HNF4G: variants seen among roughly 807,000 people sequenced by gnomAD.
HNF4G encodes hepatocyte nuclear factor 4 gamma, also known as hepatocyte nuclear factor 4-gamma.
HNF4G carries 21 observed loss-of-function variants against 50.9 expected under a neutral mutation model. That is an observed-to-expected ratio of 0.41 (90% CI 0.29 to 0.59). The LOEUF is 0.59. Ranked by LOEUF, HNF4G falls within the 20% of genes least tolerant of loss-of-function variation. The pLI is 0.26. For synonymous variants in HNF4G, 198 were observed against 185.6 expected (o/e 1.07, Z -0.54); for missense variants, 527 against 559.4 (o/e 0.94, Z 0.58).
intron 2 of HNF4G, among the ~76,000 whole-genome samples, chr8:75,519,506 G>T (rs1805981402): frequency 6.6e-6 from 1 of 152,172 alleles, no homozygotes; most frequent in African/African-American, 2.4e-5. Context: ...ATTTATAAAA[G>T]AAAAGAGGTT....
intron 2 of HNF4G, among the ~76,000 whole-genome samples, chr8:75,510,522 A>G (rs2943599): frequency 0.52 from 79,776 of 152,034 alleles, 23,312 homozygotes; most frequent in African/African-American, 0.79. Flanking sequence ...GCCCTTGACA[A>G]GAGTACCAAT....
rs187784404 is a variant in HNF4G at position 75,515,712 on chromosome 8, C to T, written c.-24+25504C>T. ...TTCACCTTTTCTCTGACTTTTTCTT[C>T]TATTTGGGGCCCTCAAAGGATTGGA... On this transcript the variant is annotated intron_variant, in intron 2 of 10. Transcript: ENST00000354370. Among the ~76,000 whole-genome samples, 120 of 151,656 alleles carry T rather than the reference C, an allele frequency of 7.9e-4. 1 individual carries two copies. Among genetic ancestry groups the T allele is most frequent in the African/African-American group, 2.8e-3 (116 of 41,384 alleles).
At chr8:75,533,615 CA>C (rs548849716) in intron 2 of HNF4G, among the ~76,000 whole-genome samples, 5 of 150,636 alleles carry the variant, frequency 3.3e-5, no homozygotes, top group South Asian at 2.1e-4. Flanking sequence ...ATTCTTGAAC[CA>C]AAAAAAAGTT....
upstream of HNF4G, among the ~76,000 whole-genome samples, chr8:75,535,901 C>A (rs1429358683): frequency 6.6e-6 from 1 of 151,864 alleles, no homozygotes; most frequent in East Asian, 1.9e-4. Context: ...ATTGGGTTGT[C>A]TTCTTTAAAC....
At chr8:75,493,797 G>T (rs1812689798) in intron 2 of HNF4G, among the ~76,000 whole-genome samples, 1 of 151,898 alleles carries the variant, frequency 6.6e-6, no homozygotes, top group East Asian at 1.9e-4. Context: ...TGCTGAACTT[G>T]TTAATTTTAT....
intron 1 of HNF4G, 140 bp downstream of exon 1, chr8:75,540,220 C>T (rs1230069801): frequency 1.3e-5 from 7 of 554,902 alleles, no homozygotes; most frequent in African/African-American, 1.2e-4. Flanking sequence ...CAGATCTGAG[C>T]TTTTGCACTT....
intron 1 of HNF4G, among the ~76,000 whole-genome samples, chr8:75,420,949 A>C (rs928689972): frequency 6.6e-6 from 1 of 152,220 alleles, no homozygotes; most frequent in Non-Finnish European, 1.5e-5. Context: ...AAGAAGTGCT[A>C]GTTGAGGACT....
rs182659033 is a variant in HNF4G at position 75,504,203 on chromosome 8, A to G, written c.-24+13995A>G. ...GCCACTGCACTCCAGGCTAGGTGACAGAGTAAGACTTTGTCCAAAGCACAC... is the reference window on the plus strand; with the variant it reads ...GCCACTGCACTCCAGGCTAGGTGACGGAGTAAGACTTTGTCCAAAGCACAC... On this transcript the variant is annotated intron_variant, in intron 2 of 10. Transcript: ENST00000354370. Among the ~76,000 whole-genome samples, 589 of 150,614 alleles carry G rather than the reference A, an allele frequency of 3.9e-3. 6 individuals carry two copies. Among genetic ancestry groups the G allele is most frequent in the African/African-American group, 0.014 (570 of 40,900 alleles).
chr8:75,448,996 A>C (rs1240319038), intron 1 of HNF4G, among the ~76,000 whole-genome samples: 1 of 152,198 alleles, frequency 6.6e-6, no homozygotes, highest in Non-Finnish European at 1.5e-5. Context: ...ATAATTTCAC[A>C]AAAACTGAGA....
intron 2 of HNF4G, among the ~76,000 whole-genome samples, chr8:75,504,915 A>T (rs2130713172): frequency 6.6e-6 from 1 of 152,262 alleles, no homozygotes; most frequent in Non-Finnish European, 1.5e-5. Flanking sequence ...TGTACTTTTG[A>T]ATTATACCTA....
intron 2 of HNF4G, among the ~76,000 whole-genome samples, chr8:75,514,549 C>T (rs1234845935): frequency 2.0e-5 from 3 of 151,716 alleles, no homozygotes; most frequent in Non-Finnish European, 4.4e-5. Context: ...GATGGGGTTT[C>T]ACCATGTTGG....
intron 1 of HNF4G, among the ~76,000 whole-genome samples, chr8:75,418,420 T>C (rs573194799): frequency 5.3e-5 from 8 of 152,330 alleles, no homozygotes; most frequent in Non-Finnish European, 1.2e-4. Context: ...TTGGATGTTT[T>C]AAATCTTCCT....
intron 1 of HNF4G, among the ~76,000 whole-genome samples, chr8:75,449,696 A>G (rs1252485059): frequency 2.6e-5 from 4 of 151,528 alleles, no homozygotes; most frequent in Non-Finnish European, 5.9e-5. Context: ...TTTAGTAGAG[A>G]CGGGGTTTCA....
intron 2 of HNF4G, among the ~76,000 whole-genome samples, chr8:75,500,288 C>T (rs1449161260): frequency 6.6e-6 from 1 of 152,066 alleles, no homozygotes; most frequent in Admixed American, 6.6e-5. Context: ...CATCGTTAGT[C>T]ATTAGGAAAA....
intron 2 of HNF4G, among the ~76,000 whole-genome samples, chr8:75,524,199 T>G (rs908329923): frequency 2.0e-5 from 3 of 152,136 alleles, no homozygotes; most frequent in Non-Finnish European, 2.9e-5. Flanking sequence ...TTAATGCAGT[T>G]ATTAAATAAA....
At chr8:75,464,245 T>G (rs1319373049) in intron 1 of HNF4G, among the ~76,000 whole-genome samples, 1 of 151,928 alleles carries the variant, frequency 6.6e-6, no homozygotes, top group Admixed American at 6.6e-5. Flanking sequence ...CTCTTTTTTT[T>G]TTAACTCAAT....
intron 1 of HNF4G, among the ~76,000 whole-genome samples, chr8:75,429,235 G>T (rs1810953300): frequency 1.3e-5 from 2 of 152,138 alleles, no homozygotes; most frequent in African/African-American, 4.8e-5. Context: ...TAACATGTGT[G>T]CATCTTAGAT....
At chr8:75,451,550 T>C (rs937617821) in intron 1 of HNF4G, among the ~76,000 whole-genome samples, 2 of 152,028 alleles carry the variant, frequency 1.3e-5, no homozygotes, top group Non-Finnish European at 2.9e-5. Context: ...AGTTTCATTC[T>C]TCTGCATGTG....
chr8:75,546,764 A>G (rs1400274810), intron 2 of HNF4G, among the ~76,000 whole-genome samples: 1 of 152,072 alleles, frequency 6.6e-6, no homozygotes, highest in Non-Finnish European at 1.5e-5. Context: ...TTGTTTTTCT[A>G]TTATCAGTTG....
Sources: gnomAD v4.1 joint callset for allele counts (sites outside exome capture counted in the v4.1 genomes callset) on GRCh38, gnomAD v4.1.1 for gene constraint, MANE v1.5 for transcripts, NCBI Gene and HGNC (gene_info 2026-07-23, HGNC 2026-07-21) for gene names.